Variants in EVI5 observed in about 807,000 individuals in gnomAD.
EVI5 encodes the protein ecotropic viral integration site 5, also known as ecotropic viral integration site 5 protein homolog.
EVI5 carries 73 observed loss-of-function variants against 112.0 expected under a neutral mutation model. The observed-to-expected ratio is 0.65, with a 90% CI of 0.54 to 0.79. The LOEUF (loss-of-function observed/expected upper bound fraction) is 0.79. EVI5 is among the 30% of genes least tolerant of loss of function. The pLI, the probability that EVI5 is intolerant of heterozygous loss-of-function variation, is 0.00. For synonymous variants in EVI5, 305 were observed against 319.9 expected (o/e 0.95, Z 0.50); for missense variants, 900 against 968.8 (o/e 0.93, Z 0.94).
At chr1:92,589,672 A>G (rs923972833) in intron 18 of EVI5, among the ~76,000 whole-genome samples, 5 of 152,210 alleles carry the variant, frequency 3.3e-5, no homozygotes, top group African/African-American at 1.2e-4. Context: ...CTGCCTCTGT[A>G]GACTCCACCT....
intron 18 of EVI5, among the ~76,000 whole-genome samples, chr1:92,592,689 GAA>G (rs547909462): frequency 6.6e-6 from 1 of 151,924 alleles, no homozygotes; most frequent in Non-Finnish European, 1.5e-5. Context: ...TAATAAAGAA[GAA>G]AAGAGAGAAG....
chr1:92,563,564 T>G lies in EVI5; in HGVS notation c.2166+78A>C. ...ATATTCAGCATGAAAGTGTCAGTCT[T>G]ATAACCAGTAATAAAGTGTTGTTAC... On this transcript the variant is annotated intron_variant, in intron 19 of 19. Transcript: ENST00000684568. 3 of 686,430 alleles carry G rather than the reference T, an allele frequency of 4.4e-6. No homozygotes were observed. In the Admixed American group the frequency reaches 7.0e-5, roughly 16 times the overall value. The allele number at this position is 686,430 out of a possible 1,614,324, so 42.5% of individuals were successfully genotyped here.
intron 14 of EVI5, among the ~76,000 whole-genome samples, chr1:92,634,311 T>C (rs917891224): frequency 6.6e-6 from 1 of 152,240 alleles, no homozygotes. Flanking sequence ...CACTTTCAGG[T>C]ACACCAATCA....
chr1:92,576,543 A>AAC (rs1163949661), intron 18 of EVI5, among the ~76,000 whole-genome samples: 1 of 144,218 alleles, frequency 6.9e-6, no homozygotes, highest in East Asian at 1.9e-4. Flanking sequence ...AGAGATAGCT[A>AAC]ACAGGGGTAG....
intron 19 of EVI5, among the ~76,000 whole-genome samples, chr1:92,557,929 G>A (rs6695638): frequency 0.58 from 87,416 of 151,344 alleles, 26,933 homozygotes; most frequent in East Asian, 0.92. Context: ...GTAGAGACAG[G>A]GTTTCTCCAT....
At chr1:92,548,432 T>C (rs530586025) in intron 19 of EVI5, among the ~76,000 whole-genome samples, 1 of 152,112 alleles carries the variant, frequency 6.6e-6, no homozygotes, top group African/African-American at 2.4e-5. Context: ...CTTTGAAAAC[T>C]GGCACAAGAC....
intron 19 of EVI5, among the ~76,000 whole-genome samples, chr1:92,553,133 T>G (rs957912025): frequency 6.6e-6 from 1 of 151,902 alleles, no homozygotes; most frequent in Non-Finnish European, 1.5e-5. Context: ...GGATTATTTA[T>G]TTATTTATTT....
intron 5 of EVI5, chr1:92,700,874 T>C (rs912703065): frequency 6.6e-6 from 1 of 152,212 alleles, no homozygotes; most frequent in African/African-American, 2.4e-5. Flanking sequence ...ATAATTTCAA[T>C]TAGCAATAAT....
intron 16 of EVI5, among the ~76,000 whole-genome samples, chr1:92,623,554 T>C (rs990016192): frequency 6.6e-6 from 1 of 152,184 alleles, no homozygotes. Flanking sequence ...ATAGAATTTA[T>C]TGGAGAAAAG....
At chr1:92,638,026 G>A (rs1470315075) in intron 13 of EVI5, among the ~76,000 whole-genome samples, 9 of 152,164 alleles carry the variant, frequency 5.9e-5, no homozygotes, top group Non-Finnish European at 1.3e-4. Flanking sequence ...CAAACTAGAT[G>A]TGCCATAATT....
Position 92,625,791 on chromosome 1 carries a change from T to A in EVI5, c.1668+3A>T. On this transcript the variant is annotated splice_donor_region_variant and intron_variant, in intron 15 of 19. Transcript: ENST00000684568. ...AAAAAGCACACAAAATATATTAATA[T>A]ACCTGCCAGTGTTCCTCTAAATCCT... The A allele has an allele frequency of 6.2e-7, 1 of 1,609,832 alleles. No homozygotes were observed. The highest frequency in any genetic ancestry group is 8.5e-7 in the Non-Finnish European group (1 of 1,178,216).
intron 14 of EVI5, among the ~76,000 whole-genome samples, chr1:92,629,980 T>C (rs1420158906): frequency 6.6e-6 from 1 of 152,140 alleles, no homozygotes. Flanking sequence ...TCCACGTCCC[T>C]ACAAAGGATA....
intron 1 of EVI5, among the ~76,000 whole-genome samples, chr1:92,759,858 CT>C (rs67709831): frequency 0.23 from 30,071 of 130,918 alleles, 4,998 homozygotes; most frequent in African/African-American, 0.47. Context: ...TACAAATACC[CT>C]CCCCCCCACA....
intron 16 of EVI5, among the ~76,000 whole-genome samples, chr1:92,611,421 G>A (rs554440108): frequency 2.6e-4 from 39 of 151,916 alleles, no homozygotes; most frequent in Middle Eastern, 3.4e-3. Context: ...AAAGTGGGCC[G>A]GGCGTGGTGG....
chr1:92,747,782 T>A (rs936974811), intron 1 of EVI5, among the ~76,000 whole-genome samples: 1 of 146,254 alleles, frequency 6.8e-6, no homozygotes, highest in African/African-American at 2.5e-5. Flanking sequence ...AGGCTAGAAG[T>A]CCAAAACCAA....
chr1:92,782,510 G>A (rs2103110747), intron 1 of EVI5, among the ~76,000 whole-genome samples: 1 of 152,188 alleles, frequency 6.6e-6, no homozygotes, highest in African/African-American at 2.4e-5. Flanking sequence ...GTCAACAAAA[G>A]ATACTCAACC....
intron 2 of EVI5, among the ~76,000 whole-genome samples, chr1:92,724,711 G>A (rs1274393788): frequency 1.3e-5 from 2 of 152,080 alleles, no homozygotes; most frequent in African/African-American, 2.4e-5. Context: ...GGGAGGCAGA[G>A]GTGGAAGGAT....
intron 13 of EVI5, among the ~76,000 whole-genome samples, chr1:92,658,527 G>A (rs949183869): frequency 6.6e-6 from 1 of 152,118 alleles, no homozygotes; most frequent in Non-Finnish European, 1.5e-5. Context: ...TAACCAAGGA[G>A]GTGGAAGATC....
chr1:92,569,410 G>C (rs1232146937), intron 18 of EVI5, among the ~76,000 whole-genome samples: 1 of 152,040 alleles, frequency 6.6e-6, no homozygotes, highest in Non-Finnish European at 1.5e-5. Context: ...ATTTAAATGG[G>C]AACTACAATA....
Sources: gnomAD v4.1 joint callset for allele counts (sites outside exome capture counted in the v4.1 genomes callset) on GRCh38, gnomAD v4.1.1 for gene constraint, MANE v1.5 for transcripts, NCBI Gene and HGNC (gene_info 2026-07-23, HGNC 2026-07-21) for gene names.